Variants in PRPF3 observed in about 807,000 individuals in gnomAD.
The protein encoded by PRPF3 is pre-mRNA processing factor 3, also known as U4/U6 small nuclear ribonucleoprotein Prp3.
A neutral mutation model predicts 89.2 loss-of-function variants in PRPF3; 3 were observed. The ratio of observed to expected loss-of-function variants is 0.03; its 90% CI spans 0.02 to 0.09. The LOEUF is 0.09. PRPF3 is among the 10% of genes least tolerant of loss of function. The pLI is 1.00. For synonymous variants in PRPF3, 270 were observed against 289.1 expected (o/e 0.93, Z 0.67); for missense variants, 463 against 828.8 (o/e 0.56, Z 5.42).
At chr1:150,332,592 C>G in intron 4 of PRPF3, 92 bp from the exon 5 acceptor site, 1 of 1,231,518 alleles carries the variant, frequency 8.1e-7, no homozygotes, top group Non-Finnish European at 1.2e-6. Context: ...TTTTAAGTGT[C>G]TAGACCTGAG....
At chr1:150,325,965 T>G in intron 3 of PRPF3, 84 bp downstream of exon 3, 1 of 1,526,546 alleles carries the variant, frequency 6.6e-7, no homozygotes, top group South Asian at 1.1e-5. Context: ...CACACGTTGA[T>G]ATCCTCTATT....
chr1:150,324,025 T>C (rs1326740328), intron 1 of PRPF3, among the ~76,000 whole-genome samples: 1 of 152,056 alleles, frequency 6.6e-6, no homozygotes, highest in East Asian at 1.9e-4. Flanking sequence ...GTGATCCACC[T>C]GCCTCAGCCT....
intron 14 of PRPF3, among the ~76,000 whole-genome samples, chr1:150,348,502 G>T (rs373980102): frequency 7.0e-3 from 278 of 39,696 alleles, no homozygotes; most frequent in African/African-American, 0.029. Context: ...TTGCTCTTTT[G>T]CCCAGGCTGG....
chr1:150,333,598 C>T (rs1172307707), intron 6 of PRPF3, among the ~76,000 whole-genome samples: 1 of 152,068 alleles, frequency 6.6e-6, no homozygotes, highest in African/African-American at 2.4e-5. Flanking sequence ...TCCTCTTTTT[C>T]CACAGAACCT....
chr1:150,334,888 C>A, intron 6 of PRPF3, 47 bp from the exon 7 acceptor site: 1 of 1,608,966 alleles, frequency 6.2e-7, no homozygotes, highest in Non-Finnish European at 8.5e-7. Context: ...TTTTTGCTTG[C>A]CTTAATGTTC....
intron 9 of PRPF3, among the ~76,000 whole-genome samples, chr1:150,341,243 T>C (rs1553870630): frequency 6.6e-6 from 1 of 151,980 alleles, no homozygotes; most frequent in East Asian, 1.9e-4. Context: ...CACATGTTGT[T>C]GTGGCATCCA....
rs1185909509 is a variant in PRPF3, at chr1:150,348,460, A to ATTTTTTTTTTTTTTTTTTTTTT, written c.1844-678_1844-677insTTTTTTTTTTTTTTTTTTTTTT. 9.2e-3 allele frequency among the ~76,000 whole-genome samples: 446 copies of ATTTTTTTTTTTTTTTTTTTTTT among 48,450 alleles called. 154 individuals are homozygous for ATTTTTTTTTTTTTTTTTTTTTT. The highest frequency in any genetic ancestry group is 0.014 in the African/African-American group (159 of 11,208). The allele number at this position is 48,450 out of a possible 152,430, so 31.8% of individuals were successfully genotyped here. On this transcript the variant is annotated intron_variant, in intron 14 of 15. Coordinates refer to ENST00000324862, the MANE Select transcript of PRPF3 (RefSeq NM_004698.4). ...AAAAAATATTTTGTTCTACACGTGC[A>ATTTTTTTTTTTTTTTTTTTTTT]TTTTTTTTTTTTTTTTTTTGAGATG...
At chr1:150,324,759 C>G in intron 1 of PRPF3, 136 bp from the exon 2 acceptor site, 1 of 554,906 alleles carries the variant, frequency 1.8e-6, no homozygotes, top group South Asian at 1.9e-5. Context: ...GTTGGCCAGA[C>G]TGGTCTCGAA....
At chr1:150,323,359 T>C (rs1374256190) in intron 1 of PRPF3, among the ~76,000 whole-genome samples, 3 of 151,642 alleles carry the variant, frequency 2.0e-5, no homozygotes, top group Non-Finnish European at 2.9e-5. Flanking sequence ...GTATTTTTAG[T>C]AGAGACAGGT....
chr1:150,340,135 G>A (rs997352985), intron 8 of PRPF3, among the ~76,000 whole-genome samples: 11 of 152,148 alleles, frequency 7.2e-5, no homozygotes, highest in African/African-American at 1.4e-4. Flanking sequence ...AGAACATAGC[G>A]TCTGTCAGCT....
chr1:150,335,214 G>A lies in PRPF3; in HGVS notation c.1008G>A (p.Glu336=), dbSNP rs1656837417. The A allele has an allele frequency of 6.2e-7, 1 of 1,614,034 alleles. No homozygotes were observed. The highest frequency in any genetic ancestry group is 1.7e-5 in the Admixed American group (1 of 59,984). Residue 336 remains glutamate (E), a synonymous_variant, in exon 7 of 16, where the codon GAG becomes GAA. Coordinates refer to ENST00000324862, the MANE Select transcript of PRPF3 (RefSeq NM_004698.4). ...AATTCCATGACAAGGGCAAATTTGA[G>A]AAGATTGCTCAGCGATTACGGACAA... ...TFKFHDKGKF[E]KIAQRLRTKA...
In PRPF3 at chr1:150,324,912, G is replaced by A. The variant is rs782587169; in HGVS notation, c.-31G>A. On this transcript the variant is annotated 5_prime_UTR_variant, in exon 2 of 16. Coordinates refer to ENST00000324862, the MANE Select transcript of PRPF3 (RefSeq NM_004698.4). ...TTTTTTAGGTGTAGTATTGAGTCCT[G>A]TTTGAGCTATTGTTCTCTTTTTCCT... The A allele has an allele frequency of 6.5e-7, 1 of 1,527,526 alleles. No individual in the cohort carries two copies. Among genetic ancestry groups the A allele is most frequent in the Non-Finnish European group, 8.9e-7 (1 of 1,122,432 alleles). 94.6% of individuals were successfully genotyped at this position (1,527,526 alleles called of 1,614,324 possible).
intron 12 of PRPF3, 108 bp downstream of exon 12, chr1:150,344,655 A>G (rs1429188707): frequency 3.4e-6 from 4 of 1,193,490 alleles, no homozygotes; most frequent in Non-Finnish European, 4.9e-6. Context: ...ACCAGTTCCT[A>G]CTCTCTTTTA....
intron 8 of PRPF3, 82 bp downstream of exon 8, chr1:150,338,408 G>A: frequency 2.1e-6 from 3 of 1,399,042 alleles, no homozygotes; most frequent in Non-Finnish European, 3.0e-6. Flanking sequence ...TTTTAGTAAA[G>A]CTATGGTTTT....
intron 4 of PRPF3, among the ~76,000 whole-genome samples, chr1:150,328,901 A>T (rs1398702770): frequency 6.6e-6 from 1 of 152,080 alleles, no homozygotes; most frequent in Non-Finnish European, 1.5e-5. Context: ...CATGTTGGGC[A>T]GGCTGGTCTT....
At chr1:150,341,050 G>C (rs1055405862) in intron 9 of PRPF3, among the ~76,000 whole-genome samples, 1 of 146,994 alleles carries the variant, frequency 6.8e-6, no homozygotes, top group South Asian at 2.1e-4. Flanking sequence ...AAGTTGCAGT[G>C]AGCTGAGATG....
intron 14 of PRPF3, among the ~76,000 whole-genome samples, chr1:150,348,459 C>T (rs116393712): frequency 0.27 from 9,339 of 34,340 alleles, 870 homozygotes; most frequent in African/African-American, 0.42. Context: ...TCTACACGTG[C>T]ATTTTTTTTT....
intron 14 of PRPF3, among the ~76,000 whole-genome samples, 192 bp downstream of exon 14, chr1:150,346,683 T>C (rs1658301454): frequency 6.6e-6 from 1 of 152,234 alleles, no homozygotes; most frequent in African/African-American, 2.4e-5. Context: ...ATTATATGCA[T>C]GAATGGTAAA....
Position 150,353,155 on chromosome 1 carries a change from TATTCCC to T in PRPF3, c.*177_*182del. 2.7e-6 allele frequency: 2 copies of T among 750,712 alleles called. No homozygotes were observed. The highest frequency in any genetic ancestry group is 2.3e-6 in the Non-Finnish European group (1 of 430,440). The allele number at this position is 750,712 out of a possible 1,614,324, so 46.5% of individuals were successfully genotyped here. A position where few individuals can be genotyped will look rare whatever the true frequency, so the allele number is the denominator to read the frequency against. On this transcript the variant is annotated 3_prime_UTR_variant, in exon 16 of 16. Transcript: ENST00000324862. ...CCTGAGTCAGCCTGGTGTTGCCCTT[TATTCCC>T]CTTATGTGCATATGATTAAAGAGTT... is the stretch of plus-strand genomic sequence containing the variant.
Sources: gnomAD v4.1 joint callset for allele counts (sites outside exome capture counted in the v4.1 genomes callset) on GRCh38, gnomAD v4.1.1 for gene constraint, MANE v1.5 for transcripts, NCBI Gene and HGNC (gene_info 2026-07-23, HGNC 2026-07-21) for gene names.